The following PRH1 variants were observed in gnomAD, a reference collection of about 807,000 sequenced individuals.
PRH1 encodes salivary acidic proline-rich phosphoprotein 1/2.
PRH1 carries 7 observed loss-of-function variants against 7.9 expected under a neutral mutation model. That is an observed-to-expected ratio of 0.89 (90% CI 0.50 to 1.67). PRH1 has a LOEUF of 1.67. Ranked by LOEUF, PRH1 falls within the 40% of genes most tolerant of loss-of-function variation. PRH1 has a pLI of 0.00. For synonymous variants in PRH1, 45 were observed against 80.8 expected (o/e 0.56, Z 2.38); for missense variants, 109 against 223.6 (o/e 0.49, Z 3.27).
upstream of PRH1, among the ~76,000 whole-genome samples, chr12:11,049,717 A>C (rs1943063583): frequency 1.3e-5 from 2 of 152,226 alleles, no homozygotes; most frequent in African/African-American, 2.4e-5. Context: ...TACAGGTTTA[A>C]ATTGTTTAAG....
intron 1 of PRH1, among the ~76,000 whole-genome samples, chr12:11,151,618 T>C (rs144165614): frequency 2.0e-5 from 3 of 152,326 alleles, no homozygotes; most frequent in African/African-American, 7.2e-5. Flanking sequence ...TCCATGGTAA[T>C]GCAGGCTCAA....
intron 2 of PRH1, chr12:10,938,084 G>A (rs1208621948): frequency 5.4e-6 from 3 of 555,482 alleles, no homozygotes; most frequent in Non-Finnish European, 9.5e-6. Flanking sequence ...TCTCTGTATG[G>A]TAATATACAT....
intron 2 of PRH1, chr12:10,891,797 G>C (rs1949577225): frequency 6.6e-6 from 1 of 152,204 alleles, no homozygotes. Flanking sequence ...TGTGCAAGTA[G>C]TGGTGTCTAT....
At chr12:11,066,028 CTG>C in intron 1 of PRH1, among the ~76,000 whole-genome samples, 1 of 152,250 alleles carries the variant, frequency 6.6e-6, no homozygotes, top group South Asian at 2.1e-4. Context: ...AAATTTTACT[CTG>C]TTTTTATTAG....
chr12:10,888,402 G>C (rs1367240488), upstream of PRH1, among the ~76,000 whole-genome samples: 2 of 152,210 alleles, frequency 1.3e-5, no homozygotes, highest in Non-Finnish European at 2.9e-5. Context: ...GTTTGGCTCA[G>C]TGAGAGTTGG....
intron 1 of PRH1, among the ~76,000 whole-genome samples, chr12:11,099,952 C>T (rs1358872440): frequency 6.6e-6 from 1 of 152,170 alleles, no homozygotes. Context: ...TTGGAGAGAT[C>T]TGCGCTTGGC....
In PRH1 at chr12:11,096,166, C is replaced by T. The variant is rs1369802607; in HGVS notation, n.124-48978G>A. 4.7e-4 allele frequency among the ~76,000 whole-genome samples: 54 copies of T among 116,098 alleles called. 16 individuals carry two copies. The highest frequency in any genetic ancestry group is 7.8e-4 in the Non-Finnish European group (38 of 48,974). The allele number at this position is 116,098 out of a possible 152,430, so 76.2% of individuals were successfully genotyped here. On this transcript the variant is annotated intron_variant and non_coding_transcript_variant, in intron 1 of 4. Coordinates refer to the PRH1 transcript ENST00000541977. ...ACATTGCTTCTGCCCCATTTGCTCT[C>T]TTCTAATCTTCTGGAACTGCAGAAG...
chr12:11,043,757 G>C (rs1431178598), intron 1 of PRH1, among the ~76,000 whole-genome samples: 2 of 151,958 alleles, frequency 1.3e-5, no homozygotes, highest in Non-Finnish European at 2.9e-5. Context: ...TCTCTATAAT[G>C]AAAACTATAA....
intron 1 of PRH1, among the ~76,000 whole-genome samples, chr12:11,083,397 GCTGTA>G: frequency 8.4e-6 from 1 of 119,020 alleles, no homozygotes. Context: ...CTATCATAAT[GCTGTA>G]TTCTTCTTTA....
intron 2 of PRH1, chr12:10,930,188 G>T (rs1950182923): frequency 1.3e-6 from 2 of 1,494,270 alleles, no homozygotes; most frequent in African/African-American, 1.4e-5. Context: ...GTGATCAGAG[G>T]TCCTTTATCC....
At chr12:10,923,119 C>T (rs980997830) in intron 2 of PRH1, among the ~76,000 whole-genome samples, 4 of 146,492 alleles carry the variant, frequency 2.7e-5, no homozygotes, top group Non-Finnish European at 4.5e-5. Context: ...TGAGCCACCG[C>T]GCCCGGCCCT....
chr12:11,038,581 T>C (rs1368177679), intron 1 of PRH1, among the ~76,000 whole-genome samples: 2 of 152,268 alleles, frequency 1.3e-5, no homozygotes, highest in South Asian at 2.1e-4. Flanking sequence ...GTTCATTTTC[T>C]CTGTTGTATT....
intron 1 of PRH1, among the ~76,000 whole-genome samples, chr12:11,033,650 T>C (rs972290995): frequency 6.6e-6 from 1 of 152,178 alleles, no homozygotes; most frequent in African/African-American, 2.4e-5. Context: ...GGGTGGCAGA[T>C]AACATCATCT....
intron 1 of PRH1, among the ~76,000 whole-genome samples, chr12:11,169,730 C>A (rs1388125921): frequency 6.6e-6 from 1 of 152,132 alleles, no homozygotes; most frequent in Non-Finnish European, 1.5e-5. Context: ...TATATCTTCT[C>A]CCAGTTCTCA....
At chr12:10,947,265 A>G (rs78802082) in intron 2 of PRH1, among the ~76,000 whole-genome samples, 1 of 152,048 alleles carries the variant, frequency 6.6e-6, no homozygotes, top group Non-Finnish European at 1.5e-5. Context: ...GTGTATGTCT[A>G]TTTGTAGGTC....
intron 1 of PRH1, chr12:10,997,376 T>C (rs1338830498): frequency 1.2e-6 from 2 of 1,614,120 alleles, no homozygotes; most frequent in East Asian, 2.2e-5. Context: ...ATTCCTCAGT[T>C]TGATCTTCCA....
intron 2 of PRH1, among the ~76,000 whole-genome samples, chr12:10,927,105 G>C (rs1352461716): frequency 6.6e-6 from 1 of 152,074 alleles, no homozygotes; most frequent in African/African-American, 2.4e-5. Flanking sequence ...GCTGATTGTT[G>C]ACATTGGAGA....
At chr12:10,894,250 T>C (rs561217805) in intron 2 of PRH1, among the ~76,000 whole-genome samples, 1 of 152,286 alleles carries the variant, frequency 6.6e-6, no homozygotes, top group Admixed American at 6.5e-5. Context: ...TAAAATTTTA[T>C]TGTTAGTCCA....
chr12:11,127,237 G>A (rs1310917045), intron 1 of PRH1, among the ~76,000 whole-genome samples: 1 of 152,298 alleles, frequency 6.6e-6, no homozygotes, highest in Non-Finnish European at 1.5e-5. Context: ...TGATGTTGAT[G>A]TGAAAGCTGA....
Sources: allele counts gnomAD v4.1 joint callset (sites outside exome capture counted in the v4.1 genomes callset), GRCh38; gene constraint gnomAD v4.1.1; transcripts MANE v1.5; gene names NCBI Gene and HGNC (gene_info 2026-07-23, HGNC 2026-07-21).